COPS3: variants seen among roughly 807,000 people sequenced by gnomAD.
The protein encoded by COPS3 is COP9 signalosome complex subunit 3.
COPS3 carries 10 observed loss-of-function variants against 58.2 expected under a neutral mutation model. The ratio of observed to expected loss-of-function variants is 0.17; its 90% CI spans 0.11 to 0.29. COPS3 has a LOEUF of 0.29. Ranked by LOEUF, COPS3 falls within the 10% of genes least tolerant of loss-of-function variation. The probability of loss-of-function intolerance (pLI) is 1.00; values close to 1 mark genes in which losing one functional copy is unlikely to be tolerated. For synonymous variants in COPS3, 187 were observed against 181.7 expected (o/e 1.03, Z -0.24); for missense variants, 333 against 510.1 (o/e 0.65, Z 3.34).
intron 10 of COPS3, 39 bp downstream of exon 10, chr17:17,248,887 C>A: frequency 7.9e-7 from 1 of 1,263,866 alleles, no homozygotes; most frequent in Non-Finnish European, 1.1e-6. Flanking sequence ...ACATCTCAAC[C>A]ATCAATTAAA....
chr17:17,280,376 C>A (rs1369400804), intron 1 of COPS3, among the ~76,000 whole-genome samples: 4 of 148,780 alleles, frequency 2.7e-5, no homozygotes, highest in African/African-American at 1.0e-4. Context: ...GCACTCCAGC[C>A]TGGGAGACAG....
At chr17:17,269,373 C>T (rs771704671) in intron 4 of COPS3, among the ~76,000 whole-genome samples, 3 of 151,894 alleles carry the variant, frequency 2.0e-5, no homozygotes, top group Admixed American at 6.6e-5. Context: ...TGCAGTGAGC[C>T]GAGATTGCGC....
chr17:17,267,167 G>C (rs1437209192), intron 5 of COPS3, among the ~76,000 whole-genome samples: 1 of 151,054 alleles, frequency 6.6e-6, no homozygotes, highest in Non-Finnish European at 1.5e-5. Flanking sequence ...AAAACCCCGT[G>C]TCTACTAAAA....
At chr17:17,268,820 AAAAAACAAC>A (rs2048283080) in intron 4 of COPS3, among the ~76,000 whole-genome samples, 1 of 110,174 alleles carries the variant, frequency 9.1e-6, no homozygotes, top group African/African-American at 3.4e-5. Flanking sequence ...CCCCATCTCA[AAAAAACAAC>A]AACAACAACA....
intron 2 of COPS3, among the ~76,000 whole-genome samples, chr17:17,272,836 A>C (rs1055858719): frequency 5.3e-5 from 8 of 152,180 alleles, no homozygotes; most frequent in African/African-American, 1.9e-4. Flanking sequence ...CAGAAGTTCA[A>C]GGCTTCAGTA....
At chr17:17,275,485 G>T (rs1344324269) in intron 2 of COPS3, among the ~76,000 whole-genome samples, 1 of 152,054 alleles carries the variant, frequency 6.6e-6, no homozygotes, top group Non-Finnish European at 1.5e-5. Context: ...TTTATGCCCG[G>T]ATACATAAAA....
intron 9 of COPS3, among the ~76,000 whole-genome samples, chr17:17,249,994 C>CT (rs1040883490): frequency 2.6e-5 from 4 of 152,210 alleles, no homozygotes; most frequent in South Asian, 2.1e-4. Flanking sequence ...ACCACCATCT[C>CT]TATCTAGTTC....
intron 9 of COPS3, among the ~76,000 whole-genome samples, chr17:17,252,163 G>A (rs1397530263): frequency 6.6e-6 from 1 of 152,086 alleles, no homozygotes; most frequent in Admixed American, 6.6e-5. Context: ...GTCATATTCT[G>A]TTCCTTCTTC....
chr17:17,271,034 T>C, intron 2 of COPS3, 26 bp from the exon 3 acceptor site: 1 of 1,483,186 alleles, frequency 6.7e-7, no homozygotes. Context: ...AAGAATCAAA[T>C]TACCCTGATA....
intron 8 of COPS3, 180 bp from the exon 9 acceptor site, chr17:17,255,125 C>T (rs1454816711): frequency 4.2e-6 from 2 of 477,076 alleles, no homozygotes; most frequent in Non-Finnish European, 7.5e-6. Flanking sequence ...CATGGTGAAA[C>T]CCTGTCTCTA....
At chr17:17,276,607 C>T (rs1428465145) in intron 1 of COPS3, among the ~76,000 whole-genome samples, 3 of 150,664 alleles carry the variant, frequency 2.0e-5, no homozygotes, top group Non-Finnish European at 2.9e-5. Flanking sequence ...TTCACTGTGT[C>T]GCCCAGGCTG....
At chr17:17,252,987 G>A (rs1338151700) in intron 9 of COPS3, among the ~76,000 whole-genome samples, 1 of 152,214 alleles carries the variant, frequency 6.6e-6, no homozygotes, top group African/African-American at 2.4e-5. Context: ...CACTTTGGGA[G>A]GCCAAGGTGG....
chr17:17,280,997 C>G, intron 1 of COPS3, 135 bp downstream of exon 1: 1 of 1,091,560 alleles, frequency 9.2e-7, no homozygotes, highest in Non-Finnish European at 1.3e-6. Flanking sequence ...GATCTAAACG[C>G]CGCAACCCCA....
At position 17,260,481 on chromosome 17, in the gene COPS3, A is replaced by G; in HGVS notation, c.763-7T>C. ...GGTATGCATTGCTAAGAGGCTAAAGATGCAAAGGAGGGAAAAAATTCAGAT... is the reference window on the plus strand; with the variant it reads ...GGTATGCATTGCTAAGAGGCTAAAGGTGCAAAGGAGGGAAAAAATTCAGAT... On this transcript the variant is annotated splice_region_variant and splice_polypyrimidine_tract_variant and intron_variant, in intron 7 of 11. Coordinates refer to ENST00000268717, the MANE Select transcript of COPS3 (RefSeq NM_003653.4). The G allele has an allele frequency of 6.2e-7, 1 of 1,613,408 alleles. No homozygotes were observed. The highest frequency in any genetic ancestry group is 8.5e-7 in the Non-Finnish European group (1 of 1,179,484).
chr17:17,254,828 A>AG, intron 9 of COPS3, 31 bp downstream of exon 9: 15 of 1,407,344 alleles, frequency 1.1e-5, no homozygotes, highest in Non-Finnish European at 1.5e-5. Flanking sequence ...AAAAAAAAAA[A>AG]AAAAGAAAAA....
intron 2 of COPS3, among the ~76,000 whole-genome samples, chr17:17,275,697 A>G (rs1044789580): frequency 6.6e-6 from 1 of 151,932 alleles, no homozygotes; most frequent in Non-Finnish European, 1.5e-5. Flanking sequence ...TAATCCCAGC[A>G]TTTTGGGAGG....
At chr17:17,276,697 T>C (rs1404742737) in intron 1 of COPS3, among the ~76,000 whole-genome samples, 1 of 151,958 alleles carries the variant, frequency 6.6e-6, no homozygotes, top group Admixed American at 6.6e-5. Flanking sequence ...GCCTCCCAAA[T>C]AGCTGGGATT....
In COPS3 at chr17:17,281,232, A is replaced by G; in HGVS notation, c.-46T>C. The G allele has an allele frequency of 1.3e-6, 2 of 1,586,276 alleles. No homozygotes were observed. The highest frequency in any genetic ancestry group is 1.7e-6 in the Non-Finnish European group (2 of 1,165,116). ...AGCGGCGAAGGCAGCACGCGCGGGA[A>G]AAGGCTGCCGCTCTGGGAGGAGGGG... is the stretch of plus-strand genomic sequence containing the variant. On this transcript the variant is annotated 5_prime_UTR_variant, in exon 1 of 12. Transcript: ENST00000268717.
chr17:17,270,728 A>C (rs2048325540), intron 4 of COPS3, 30 bp downstream of exon 4: 4 of 1,549,522 alleles, frequency 2.6e-6, no homozygotes, highest in Non-Finnish European at 3.5e-6. Context: ...ATTATAACAA[A>C]ACTAGGAATA....
Sources: allele counts gnomAD v4.1 joint callset (sites outside exome capture counted in the v4.1 genomes callset), GRCh38; gene constraint gnomAD v4.1.1; transcripts MANE v1.5; gene names NCBI Gene and HGNC (gene_info 2026-07-23, HGNC 2026-07-21).